Variants in CNTNAP3B observed in about 807,000 individuals in gnomAD.
CNTNAP3B encodes the protein contactin associated protein family member 3B, also known as contactin-associated protein-like 3B.
In CNTNAP3B, 25 loss-of-function variants were observed where a neutral mutation model predicts 108.9. The ratio of observed to expected loss-of-function variants is 0.23; its 90% CI spans 0.17 to 0.32. CNTNAP3B has a LOEUF of 0.32. Ranked by LOEUF, CNTNAP3B falls within the 10% of genes least tolerant of loss-of-function variation. CNTNAP3B has a pLI of 1.00. For synonymous variants in CNTNAP3B, 103 were observed against 473.4 expected, an observed-to-expected ratio of 0.22 and a Z score of 10.16; for missense variants, 252 against 1,210.4, an observed-to-expected ratio of 0.21 and a Z score of 11.75.
intron 3 of CNTNAP3B, among the ~76,000 whole-genome samples, chr9:42,016,888 AT>A (rs1826225874): frequency 6.6e-6 from 1 of 151,176 alleles, no homozygotes; most frequent in Non-Finnish European, 1.5e-5. Context: ...TAAATCATTT[AT>A]TTTTTACAGC....
intron 1 of CNTNAP3B, among the ~76,000 whole-genome samples, chr9:42,114,000 C>T (rs1828258021): frequency 1.6e-5 from 2 of 127,070 alleles, no homozygotes; most frequent in South Asian, 5.3e-4. Flanking sequence ...TGAGAGTTGA[C>T]AGAATTAGGG....
At chr9:42,127,723 G>A (rs1828603471) in intron 1 of CNTNAP3B, among the ~76,000 whole-genome samples, 1 of 139,436 alleles carries the variant, frequency 7.2e-6, no homozygotes, top group Admixed American at 7.1e-5. Flanking sequence ...AAAGCAATCC[G>A]GAGCTTGTTT....
rs1372771314 is a variant in CNTNAP3B at position 41,929,690 on chromosome 9, GCCA to G, written c.2238-249_2238-247del. Among the ~76,000 whole-genome samples the G allele has an allele frequency of 2.2e-5, 3 of 137,308 alleles. 1 individual carries two copies. The highest frequency in any genetic ancestry group is 7.3e-5 in the Admixed American group (1 of 13,766). The allele number at this position is 137,308 out of a possible 152,430, so 90.1% of individuals were successfully genotyped here. A position where few individuals can be genotyped will look rare whatever the true frequency, so the allele number is the denominator to read the frequency against. ...CTTCTCACAGCAACTACTTAACTCTGCCACCAAGTGTGAAAGCAGCCACAGACA... is the reference window on the plus strand; with the variant it reads ...CTTCTCACAGCAACTACTTAACTCTGCCAAGTGTGAAAGCAGCCACAGACA... On this transcript the variant is annotated intron_variant, in intron 14 of 23. Coordinates refer to ENST00000377561, the MANE Select transcript of CNTNAP3B (RefSeq NM_001201380.3).
intron 1 of CNTNAP3B, among the ~76,000 whole-genome samples, chr9:42,111,289 G>A (rs1366284231): frequency 7.2e-6 from 1 of 139,400 alleles, no homozygotes; most frequent in Non-Finnish European, 1.5e-5. Flanking sequence ...AATATTTGTT[G>A]AAAATCTATA....
intron 14 of CNTNAP3B, among the ~76,000 whole-genome samples, chr9:41,933,796 G>A (rs1214338464): frequency 2.0e-5 from 3 of 152,234 alleles, no homozygotes; most frequent in Non-Finnish European, 4.4e-5. Flanking sequence ...ACACATGCAT[G>A]AGCTTTTAAA....
At chr9:42,041,877 A>G (rs1451760879) in intron 3 of CNTNAP3B, among the ~76,000 whole-genome samples, 2 of 145,504 alleles carry the variant, frequency 1.4e-5, no homozygotes, top group Non-Finnish European at 3.0e-5. Context: ...AAAATGTGGC[A>G]CATATACACC....
chr9:42,030,508 T>G, intron 3 of CNTNAP3B, among the ~76,000 whole-genome samples: 2 of 41,740 alleles, frequency 4.8e-5, no homozygotes, highest in South Asian at 1.7e-3. Context: ...ATCTGAAGCT[T>G]GCAGACTGGT....
chr9:42,060,920 ATATGT>A (rs1408069462), intron 3 of CNTNAP3B, among the ~76,000 whole-genome samples: 1 of 82,226 alleles, frequency 1.2e-5, no homozygotes, highest in South Asian at 4.4e-4. Flanking sequence ...TATTTTGTTT[ATATGT>A]TATATTTTTA....
At chr9:41,948,075 C>A (rs1396339706) in intron 13 of CNTNAP3B, among the ~76,000 whole-genome samples, 32 of 151,362 alleles carry the variant, frequency 2.1e-4, no homozygotes, top group African/African-American at 7.5e-4. Flanking sequence ...TTGGAGAATT[C>A]TTTTTGTTTT....
chr9:42,030,601 C>T (rs1826496550), intron 3 of CNTNAP3B, among the ~76,000 whole-genome samples: 1 of 57,700 alleles, frequency 1.7e-5, no homozygotes, highest in Non-Finnish European at 3.3e-5. Context: ...TGCCCTTATC[C>T]CATCCAGTGT....
rs1002751093 is a variant in CNTNAP3B, at chr9:41,922,087, C to G, written c.2755+590G>C. 1.3e-4 allele frequency among the ~76,000 whole-genome samples: 19 copies of G among 141,822 alleles called. 1 individual carries two copies. Among genetic ancestry groups the G allele is most frequent in the Non-Finnish European group, 2.8e-4 (18 of 65,194 alleles). The allele number at this position is 141,822 out of a possible 152,430, so 93.0% of individuals were successfully genotyped here. A position where few individuals can be genotyped will look rare whatever the true frequency, so the allele number is the denominator to read the frequency against. On this transcript the variant is annotated intron_variant, in intron 17 of 23. Coordinates refer to ENST00000377561, the MANE Select transcript of CNTNAP3B (RefSeq NM_001201380.3). ...TTGGGGGTCGGCTATCCTGGGATCT[C>G]TCTCATTAGCTGGTTACTCCACTTC...
chr9:42,019,490 G>A lies in CNTNAP3B; in HGVS notation c.391-5965C>T, dbSNP rs1198275505. On this transcript the variant is annotated intron_variant, in intron 3 of 23. Transcript: ENST00000377561. ...TACGGGGCCAGGCACGGTGGCTTAC[G>A]CCTGTAATCTCAGCACTTTGGGAGG... is the stretch of plus-strand genomic sequence containing the variant. 3.3e-4 allele frequency among the ~76,000 whole-genome samples: 22 copies of A among 65,672 alleles called. 1 individual carries two copies. The highest frequency in any genetic ancestry group is 6.4e-3 in the Middle Eastern group (1 of 156). 43.1% of individuals were successfully genotyped at this position (65,672 alleles called of 152,430 possible).
In CNTNAP3B at chr9:42,095,612, G is replaced by A. The variant is rs1827883181; in HGVS notation, c.196+9017C>T. Among the ~76,000 whole-genome samples the A allele has an allele frequency of 6.5e-5, 9 of 137,896 alleles. 1 individual carries two copies. The South Asian group carries it at 2.1e-3, about 32-fold the overall frequency. The allele number at this position is 137,896 out of a possible 152,430, so 90.5% of individuals were successfully genotyped here. On this transcript the variant is annotated intron_variant, in intron 2 of 23. Transcript: ENST00000377561. ...ATTTTTAAATCACAAACTCATGAGG[G>A]AAAATGTAACTTCATTTCTCCATAA...
In CNTNAP3B at chr9:42,129,315, TCGGCCCCGCGGGAGCCTGGGGGCCGCG is replaced by T. The variant is rs1480937034; in HGVS notation, c.-248_-222del. ...CCCGGCCCCAGCTGCGTCTCCGAGG[TCGGCCCCGCGGGAGCCTGGGGGCCGCG>T]CGGCGCCGCCCCAGGCACGGAGGCG... On this transcript the variant is annotated 5_prime_UTR_variant, in exon 1 of 24. Coordinates refer to ENST00000377561, the MANE Select transcript of CNTNAP3B (RefSeq NM_001201380.3). The T allele has an allele frequency of 2.8e-5, 13 of 457,998 alleles. 1 individual carries two copies. The highest frequency in any genetic ancestry group is 5.3e-5 in the South Asian group (1 of 18,860). The allele number at this position is 457,998 out of a possible 1,614,324, so 28.4% of individuals were successfully genotyped here.
intron 1 of CNTNAP3B, among the ~76,000 whole-genome samples, chr9:42,111,758 T>G (rs1828197023): frequency 7.2e-6 from 1 of 138,542 alleles, no homozygotes; most frequent in Non-Finnish European, 1.5e-5. Context: ...CCAAGGATTA[T>G]GTACTTTTTG....
intron 13 of CNTNAP3B, among the ~76,000 whole-genome samples, chr9:41,943,630 G>C (rs1824433053): frequency 1.3e-5 from 2 of 150,334 alleles, no homozygotes; most frequent in South Asian, 4.2e-4. Flanking sequence ...GGGATTACAG[G>C]CAAGTGAGTC....
chr9:41,953,250 G>T lies in CNTNAP3B; in HGVS notation c.2013C>A (p.Asn671Lys). ...AGAGQLRAAV[N>K]LAERCEQRLA... ...GCCGCTGCTCGCAGCGCTCCGCCAG[G>T]TTCACCGCGGCCCGCAGCTGCCCCG... Residue 671 changes from asparagine (N) to lysine (K), a missense_variant, in exon 13 of 24, where the codon AAC becomes AAA. Asn to Lys is a moderately conservative substitution (Grantham distance 94). Coordinates refer to ENST00000377561, the MANE Select transcript of CNTNAP3B (RefSeq NM_001201380.3). The T allele has an allele frequency of 6.5e-7, 1 of 1,526,878 alleles. No homozygotes were observed. The highest frequency in any genetic ancestry group is 8.7e-7 in the Non-Finnish European group (1 of 1,145,290). 94.6% of individuals were successfully genotyped at this position (1,526,878 alleles called of 1,614,324 possible). A position where few individuals can be genotyped will look rare whatever the true frequency, so the allele number is the denominator to read the frequency against.
intron 14 of CNTNAP3B, among the ~76,000 whole-genome samples, chr9:41,934,827 G>A (rs1314140159): frequency 1.5e-3 from 229 of 152,114 alleles, no homozygotes; most frequent in African/African-American, 4.9e-3. Flanking sequence ...GAGTTTACTC[G>A]TATTTATTAT....
intron 15 of CNTNAP3B, among the ~76,000 whole-genome samples, chr9:41,926,436 A>C (rs1460796366): frequency 6.6e-6 from 1 of 152,294 alleles, no homozygotes; most frequent in African/African-American, 2.4e-5. Flanking sequence ...AGAATATTTT[A>C]TTTTTCTTTC....
Sources: gnomAD v4.1 joint callset for allele counts (sites outside exome capture counted in the v4.1 genomes callset) on GRCh38, gnomAD v4.1.1 for gene constraint, MANE v1.5 for transcripts, NCBI Gene and HGNC (gene_info 2026-07-23, HGNC 2026-07-21) for gene names.